CHMP5: variants seen among roughly 807,000 people sequenced by gnomAD.
The protein encoded by CHMP5 is charged multivesicular body protein 5.
In CHMP5, 17 loss-of-function variants were observed where a neutral mutation model predicts 33.0. The ratio of observed to expected loss-of-function variants is 0.52; its 90% CI spans 0.35 to 0.77. The LOEUF is 0.77. Ranked by LOEUF, CHMP5 falls within the 30% of genes least tolerant of loss-of-function variation. The probability of loss-of-function intolerance (pLI) is 0.01; values close to 1 mark genes in which losing one functional copy is unlikely to be tolerated. For missense variants in CHMP5, 216 were observed against 261.5 expected, an observed-to-expected ratio of 0.83 and a Z score of 1.20; for synonymous variants, 76 against 90.2, an observed-to-expected ratio of 0.84 and a Z score of 0.89.
chr9:33,273,480 T>C (rs533927241), intron 5 of CHMP5, among the ~76,000 whole-genome samples: 1 of 152,352 alleles, frequency 6.6e-6, no homozygotes, highest in African/African-American at 2.4e-5. Flanking sequence ...TTTCCTGTCC[T>C]CCAATAGATT....
At chr9:33,265,283 C>T (rs771996819) in intron 1 of CHMP5, 136 bp downstream of exon 1, 1 of 777,650 alleles carries the variant, frequency 1.3e-6, no homozygotes, top group Non-Finnish European at 2.2e-6. Context: ...CTCTATCTCA[C>T]CTTCTCCCCT....
chr9:33,270,016 A>G (rs781516578), intron 3 of CHMP5, among the ~76,000 whole-genome samples: 5 of 152,214 alleles, frequency 3.3e-5, no homozygotes, highest in Non-Finnish European at 4.4e-5. Context: ...AGCAAATGCT[A>G]TAATGTTAAG....
rs73476672 is a variant in CHMP5 at position 33,278,037 on chromosome 9, C to T, written c.497-76C>T. 4.4e-3 allele frequency: 4,024 copies of T among 905,066 alleles called. 99 individuals carry two copies. In the African/African-American group the frequency reaches 0.057, roughly 13 times the overall value. The allele number at this position is 905,066 out of a possible 1,614,324, so 56.1% of individuals were successfully genotyped here. ...CTTCACTGCCTTCTTTCAAGTCCATCGATAAATGAGAGAAATTATTAGCTG... is the reference window on the plus strand; with the variant it reads ...CTTCACTGCCTTCTTTCAAGTCCATTGATAAATGAGAGAAATTATTAGCTG... On this transcript the variant is annotated intron_variant, in intron 6 of 7. Transcript: ENST00000223500.
At chr9:33,277,644 T>A (rs1466689613) in intron 6 of CHMP5, 1 of 156,238 alleles carries the variant, frequency 6.4e-6, no homozygotes, top group Non-Finnish European at 1.4e-5. Context: ...GAAAATTGAG[T>A]GGACAAGACT....
chr9:33,265,114 T>C lies in CHMP5; in HGVS notation c.36T>C (p.Ala12=). The C allele has an allele frequency of 3.7e-6, 6 of 1,614,168 alleles. No individual in the cohort carries two copies. The highest frequency in any genetic ancestry group is 4.2e-6 in the Non-Finnish European group (5 of 1,180,018). ...TCTTCGGGAAAGCGAAACCCAAGGCTCCGCCGCCCAGCCTGACTGACTGCA... is the reference window on the plus strand; with the variant it reads ...TCTTCGGGAAAGCGAAACCCAAGGCCCCGCCGCCCAGCCTGACTGACTGCA... ...NRLFGKAKPK[A]PPPSLTDCIG... The change falls in exon 1 of 8, where the codon GCT becomes GCC. Residue 12 remains alanine, a synonymous_variant. Transcript: ENST00000223500.
chr9:33,270,639 G>C lies in CHMP5; in HGVS notation c.238G>C (p.Asp80His), dbSNP rs1820783109. The change falls in exon 4 of 8, where the codon GAC (aspartate) becomes CAC (histidine). Residue 80 changes from aspartate (D) to histidine (H), a missense_variant. Coordinates refer to ENST00000223500, the MANE Select transcript of CHMP5 (RefSeq NM_016410.6). ...TCTAAAAAGGTATGAGCAGCAGCGG[G>C]ACAATCTTGCCCAACAGTCATTCAA... The part of the protein sequence containing the change: ...KQKRMYEQQR[D>H]NLAQQSFNME... The C allele has an allele frequency of 6.2e-7, 1 of 1,613,988 alleles. No homozygotes were observed. Among genetic ancestry groups the C allele is most frequent in the Non-Finnish European group, 8.5e-7 (1 of 1,179,952 alleles).
In CHMP5 at chr9:33,265,170, G is replaced by A. The variant is rs981884740; in HGVS notation, c.69+23G>A. ...ACGGTGGGCATTTGATCATGCATAAGTAGGCTCAGGACCTCTGACACACCC... is the reference window on the plus strand; with the variant it reads ...ACGGTGGGCATTTGATCATGCATAAATAGGCTCAGGACCTCTGACACACCC... On this transcript the variant is annotated intron_variant, in intron 1 of 7. Coordinates refer to ENST00000223500, the MANE Select transcript of CHMP5 (RefSeq NM_016410.6). 8 of 1,612,860 alleles carry A rather than the reference G, an allele frequency of 5.0e-6. No homozygotes were observed. The Admixed American group carries it at 1.0e-4, about 20-fold the overall frequency.
chr9:33,272,726 G>A (rs1031220416), intron 5 of CHMP5, among the ~76,000 whole-genome samples: 3 of 151,844 alleles, frequency 2.0e-5, no homozygotes, highest in Non-Finnish European at 2.9e-5. Context: ...ATGGCAACCC[G>A]AGAGCAGAGC....
chr9:33,265,791 A>G (rs1037281253), intron 1 of CHMP5, among the ~76,000 whole-genome samples: 1 of 152,230 alleles, frequency 6.6e-6, no homozygotes, highest in Non-Finnish European at 1.5e-5. Flanking sequence ...CTTGAAGGCT[A>G]CCTGGTATAT....
At chr9:33,278,415 C>T (rs1376799207) in intron 7 of CHMP5, among the ~76,000 whole-genome samples, 190 bp downstream of exon 7, 3 of 152,222 alleles carry the variant, frequency 2.0e-5, no homozygotes, top group African/African-American at 4.8e-5. Context: ...AACACTGTCA[C>T]TGAGGCTCAG....
intron 7 of CHMP5, 34 bp downstream of exon 7, chr9:33,278,259 A>C: frequency 7.9e-7 from 1 of 1,262,864 alleles, no homozygotes; most frequent in Non-Finnish European, 1.1e-6. Context: ...TTCAATGCAA[A>C]ATAGCAAAGG....
rs182305537 is a variant in CHMP5 at position 33,275,899 on chromosome 9, A to G, written c.388-557A>G. ...GTGGTGCACACTTGTAATGTCAGCT[A>G]TTTGGAGGCTGAGGCAGGAGAATCA... On this transcript the variant is annotated intron_variant, in intron 5 of 7. Coordinates refer to ENST00000223500, the MANE Select transcript of CHMP5 (RefSeq NM_016410.6). Among the ~76,000 whole-genome samples, 499 of 152,264 alleles carry G rather than the reference A, an allele frequency of 3.3e-3. 3 individuals are homozygous for G. The highest frequency in any genetic ancestry group is 1.8e-3 in the Non-Finnish European group (122 of 68,016).
chr9:33,272,668 G>A (rs1480953409), intron 5 of CHMP5, among the ~76,000 whole-genome samples: 1 of 152,098 alleles, frequency 6.6e-6, no homozygotes, highest in African/African-American at 2.4e-5. Context: ...GCCGAGCATG[G>A]TGGTGTGTGC....
chr9:33,269,529 A>G (rs1201099800), intron 3 of CHMP5, among the ~76,000 whole-genome samples: 1 of 152,124 alleles, frequency 6.6e-6, no homozygotes, highest in East Asian at 1.9e-4. Flanking sequence ...AAATAAATAA[A>G]CAAAATAAAA....
At chr9:33,278,654 G>C (rs996660948) in intron 7 of CHMP5, among the ~76,000 whole-genome samples, 1 of 143,756 alleles carries the variant, frequency 7.0e-6, no homozygotes, top group African/African-American at 2.6e-5. Context: ...TTTTTTTCCT[G>C]TACACACAGG....
At chr9:33,277,558 G>C (rs908305140) in intron 6 of CHMP5, among the ~76,000 whole-genome samples, 1 of 152,208 alleles carries the variant, frequency 6.6e-6, no homozygotes, top group African/African-American at 2.4e-5. Flanking sequence ...AGCCATTTAA[G>C]AGATGATGGT....
At position 33,276,440 on chromosome 9, in the gene CHMP5, A is replaced by C; in HGVS notation, c.388-16A>C. The C allele has an allele frequency of 7.1e-7, 1 of 1,407,752 alleles. No individual in the cohort carries two copies. Among genetic ancestry groups the C allele is most frequent in the Non-Finnish European group, 1.0e-6 (1 of 996,764 alleles). 87.2% of individuals were successfully genotyped at this position (1,407,752 alleles called of 1,614,324 possible). A position where few individuals can be genotyped will look rare whatever the true frequency, so the allele number is the denominator to read the frequency against. On this transcript the variant is annotated splice_polypyrimidine_tract_variant and intron_variant, in intron 5 of 7. Coordinates refer to ENST00000223500, the MANE Select transcript of CHMP5 (RefSeq NM_016410.6). ...ATGGTAAATGAGAGAAAATCCTCTC[A>C]TATATATTTCCGTAGGATTTACAAG...
chr9:33,265,216 C>G (rs1820695329), intron 1 of CHMP5, 69 bp downstream of exon 1: 3 of 1,493,464 alleles, frequency 2.0e-6, no homozygotes, highest in South Asian at 2.3e-5. Flanking sequence ...ACCCCCAGCC[C>G]CGGGCCCATA....
At chr9:33,279,723 C>T (rs1365395955) in intron 7 of CHMP5, among the ~76,000 whole-genome samples, 2 of 151,750 alleles carry the variant, frequency 1.3e-5, no homozygotes, top group Non-Finnish European at 2.9e-5. Context: ...ATTAGCTGGG[C>T]GTGGTGGCAG....
Sources: gnomAD v4.1 joint callset for allele counts (sites outside exome capture counted in the v4.1 genomes callset) on GRCh38, gnomAD v4.1.1 for gene constraint, MANE v1.5 for transcripts, NCBI Gene and HGNC (gene_info 2026-07-23, HGNC 2026-07-21) for gene names.